The following GMIP variants were observed in gnomAD, a reference collection of about 807,000 sequenced individuals.
The protein encoded by GMIP is GEM interacting protein, also known as GEM-interacting protein.
A neutral mutation model predicts 105.3 loss-of-function variants in GMIP; 54 were observed. The observed-to-expected ratio is 0.51, with a 90% CI of 0.41 to 0.64. GMIP has a LOEUF of 0.64. GMIP is among the 30% of genes least tolerant of loss of function. The probability of loss-of-function intolerance (pLI) is 0.00; values close to 1 mark genes in which losing one functional copy is unlikely to be tolerated. For missense variants in GMIP, 1,110 were observed against 1,319.4 expected (o/e 0.84, Z 2.46); for synonymous variants, 541 against 560.8 (o/e 0.96, Z 0.50).
intron 7 of GMIP, 109 bp from the exon 8 acceptor site, chr19:19,638,591 A>AT (rs776778379): frequency 0.11 from 66,133 of 595,466 alleles, no homozygotes; most frequent in East Asian, 0.14. Flanking sequence ...TCTGGACTCT[A>AT]TTTTTTTTTT....
chr19:19,635,628 C>T lies in GMIP; in HGVS notation c.1405+16G>A, dbSNP rs1443259931. 5 of 1,613,956 alleles carry T rather than the reference C, an allele frequency of 3.1e-6. No homozygotes were observed. The highest frequency in any genetic ancestry group is 1.7e-5 in the Admixed American group (1 of 60,028). ...CCTGCCCTGTCCCATCCTGACCTACCCTGCTTCAGCCTCACCAGGGTCTCG... is the reference window on the plus strand; with the variant it reads ...CCTGCCCTGTCCCATCCTGACCTACTCTGCTTCAGCCTCACCAGGGTCTCG... On this transcript the variant is annotated intron_variant, in intron 14 of 20. Coordinates refer to ENST00000203556, the MANE Select transcript of GMIP (RefSeq NM_016573.4). The surrounding 1 kb of genome is among the most constrained non-coding windows in gnomAD (Gnocchi z 4.7).
rs1227988417 is a variant in GMIP at position 19,639,079 on chromosome 19, C to CA, written c.538-598dup. Among the ~76,000 whole-genome samples the CA allele has an allele frequency of 4.8e-3, 689 of 142,566 alleles. 4 individuals carry two copies. The highest frequency in any genetic ancestry group is 0.014 in the African/African-American group (563 of 38,952). 93.5% of individuals were successfully genotyped at this position (142,566 alleles called of 152,430 possible). A position where few individuals can be genotyped will look rare whatever the true frequency, so the allele number is the denominator to read the frequency against. On this transcript the variant is annotated intron_variant, in intron 7 of 20. Coordinates refer to ENST00000203556, the MANE Select transcript of GMIP (RefSeq NM_016573.4). ...TGGATGATAAAGTGAGACTCTGTCTCAAAAAAAAAAATAAATAAATAAATT... is the reference window on the plus strand; with the variant it reads ...TGGATGATAAAGTGAGACTCTGTCTCAAAAAAAAAAAATAAATAAATAAATT...
Position 19,634,308 on chromosome 19 carries a change from C to T in GMIP, c.2085-118G>A, listed in dbSNP as rs2061827588. On this transcript the variant is annotated intron_variant, in intron 18 of 20. Transcript: ENST00000203556. The surrounding 1 kb of genome is among the most constrained non-coding windows in gnomAD (Gnocchi z 6.1). The stretch of plus-strand genomic sequence containing the variant: ...ACTTGCCCATGTCACAGGTGTAAGT[C>T]GTCTGAGACCAGCAGCCACATATCC... 1.1e-5 allele frequency: 12 copies of T among 1,134,920 alleles called. No homozygotes were observed. In the South Asian group the frequency reaches 1.4e-4, roughly 13 times the overall value. The allele number at this position is 1,134,920 out of a possible 1,614,324, so 70.3% of individuals were successfully genotyped here.
chr19:19,637,110 C>A lies in GMIP; in HGVS notation c.1125-81G>T, dbSNP rs1440408672. 1.1e-6 allele frequency: 1 copy of A among 906,364 alleles called. No homozygotes were observed. The highest frequency in any genetic ancestry group is 1.7e-6 in the Non-Finnish European group (1 of 577,366). 56.1% of individuals were successfully genotyped at this position (906,364 alleles called of 1,614,324 possible). On this transcript the variant is annotated intron_variant, in intron 11 of 20. Transcript: ENST00000203556. This position sits in a 1 kb window ranked among gnomAD's most constrained non-coding sequence, Gnocchi z 6.7. ...GCACCCAGGCATCATGTCTAGGTAC[C>A]AACTCCAAGCACTTGGGTCTGCAAA...
Position 19,634,738 on chromosome 19 carries a change from G to A in GMIP, c.1888-35C>T. On this transcript the variant is annotated intron_variant, in intron 17 of 20. Transcript: ENST00000203556. This position sits in a 1 kb window ranked among gnomAD's most constrained non-coding sequence, Gnocchi z 6.1. Reference sequence around the variant, plus strand: ...GAACGGAGGGCGCAACACGAGTGTGGGTGGGCTGTGGAGGGCTCCTGCCCG... The same window carrying A: ...GAACGGAGGGCGCAACACGAGTGTGAGTGGGCTGTGGAGGGCTCCTGCCCG... 1.2e-6 allele frequency: 2 copies of A among 1,609,356 alleles called. No homozygotes were observed. The highest frequency in any genetic ancestry group is 2.2e-5 in the South Asian group (2 of 90,950).
rs1228224886 is a variant in GMIP at position 19,641,660 on chromosome 19, T to C, written c.238+150A>G. On this transcript the variant is annotated intron_variant, in intron 4 of 20. Coordinates refer to ENST00000203556, the MANE Select transcript of GMIP (RefSeq NM_016573.4). ...CTCAGCCTCCACCCTGCCTGGGGTC[T>C]CCCTGAGGGCTGGGACTGAGATCTG... is the stretch of plus-strand genomic sequence containing the variant. 3 of 705,952 alleles carry C rather than the reference T, an allele frequency of 4.2e-6. No homozygotes were observed. In the Admixed American group the frequency reaches 6.2e-5, roughly 15 times the overall value. 43.7% of individuals were successfully genotyped at this position (705,952 alleles called of 1,614,324 possible). A position where few individuals can be genotyped will look rare whatever the true frequency, so the allele number is the denominator to read the frequency against.
chr19:19,635,387 G>A lies in GMIP; in HGVS notation c.1560+28C>T. 6.2e-7 allele frequency: 1 copy of A among 1,602,944 alleles called. No individual in the cohort carries two copies. Among genetic ancestry groups the A allele is most frequent in the Non-Finnish European group, 8.5e-7 (1 of 1,174,822 alleles). The stretch of plus-strand genomic sequence containing the variant: ...GGGAGATGATCAAGGGTCAGCAAAG[G>A]TCATTTGGTCATTAACCCAGGCCAC... On this transcript the variant is annotated intron_variant, in intron 15 of 20. Coordinates refer to ENST00000203556, the MANE Select transcript of GMIP (RefSeq NM_016573.4). The surrounding 1 kb of genome is among the most constrained non-coding windows in gnomAD (Gnocchi z 4.7).
rs769936046 is a variant in GMIP at position 19,641,840 on chromosome 19, G to C, written c.208C>G (p.Pro70Ala). The change falls in exon 4 of 21, where the codon CCC becomes GCC. Residue 70 changes from proline to alanine, a missense_variant. Coordinates refer to ENST00000203556, the MANE Select transcript of GMIP (RefSeq NM_016573.4). ...AGGGGTACAGGACCCTCTGGGGAGGGGCCGCTCCAACAGCTGGCTTCGTTG... is the reference window on the plus strand; with the variant it reads ...AGGGGTACAGGACCCTCTGGGGAGGCGCCGCTCCAACAGCTGGCTTCGTTG... ...VTNEASCWSGPSPEGPVPLTG... is the reference protein window; with the variant it reads ...VTNEASCWSGASPEGPVPLTG... 2.5e-6 allele frequency: 4 copies of C among 1,612,676 alleles called. No individual in the cohort carries two copies. The highest frequency in any genetic ancestry group is 1.9e-4 in the Middle Eastern group (1 of 5,190).
rs767485187 is a variant in GMIP at position 19,641,797 on chromosome 19, C to T, written c.238+13G>A. ...TGTCTGTCCCCACTGTCCTGGCCTCCAGACCCCCCTACCTGTGAGGGGTAC... is the reference window on the plus strand; with the variant it reads ...TGTCTGTCCCCACTGTCCTGGCCTCTAGACCCCCCTACCTGTGAGGGGTAC... On this transcript the variant is annotated intron_variant, in intron 4 of 20. Coordinates refer to ENST00000203556, the MANE Select transcript of GMIP (RefSeq NM_016573.4). 6.3e-6 allele frequency: 10 copies of T among 1,599,922 alleles called. No homozygotes were observed. The Admixed American group carries it at 1.5e-4, about 24-fold the overall frequency.
intron 4 of GMIP, 102 bp from the exon 5 acceptor site, chr19:19,640,673 A>C: frequency 6.2e-5 from 71 of 1,147,042 alleles, no homozygotes; most frequent in Non-Finnish European, 8.2e-5. Flanking sequence ...CTACAGCCTC[A>C]CAGCTCCCCA....
Position 19,643,633 on chromosome 19 carries a change from T to TCGGTTCCGCGTCGCCC in GMIP, c.-120_-105dup. 1.9e-6 allele frequency: 2 copies of TCGGTTCCGCGTCGCCC among 1,033,018 alleles called. No individual in the cohort carries two copies. Among genetic ancestry groups the TCGGTTCCGCGTCGCCC allele is most frequent in the East Asian group, 2.9e-5 (1 of 34,246 alleles). The allele number at this position is 1,033,018 out of a possible 1,614,324, so 64.0% of individuals were successfully genotyped here. On this transcript the variant is annotated 5_prime_UTR_variant, in exon 1 of 21. Coordinates refer to ENST00000203556, the MANE Select transcript of GMIP (RefSeq NM_016573.4). Reference sequence around the variant, plus strand: ...TGCCGCCGCAGCCGCCGCCGCCGCCTCGGTTCCGCGTCGCCCTGCCCAGCG... The same window carrying TCGGTTCCGCGTCGCCC: ...TGCCGCCGCAGCCGCCGCCGCCGCCTCGGTTCCGCGTCGCCCCGGTTCCGCGTCGCCCTGCCCAGCG...
chr19:19,637,523 T>C lies in GMIP; in HGVS notation c.966A>G (p.Ala322=), dbSNP rs2144858071. The C allele has an allele frequency of 2.0e-6, 3 of 1,536,540 alleles. No homozygotes were observed. The highest frequency in any genetic ancestry group is 2.5e-5 in the East Asian group (1 of 40,270). The change falls in exon 11 of 21, where the codon GCA becomes GCG. Residue 322 remains alanine, a synonymous_variant. Transcript: ENST00000203556. The surrounding 1 kb of genome is among the most constrained non-coding windows in gnomAD (Gnocchi z 6.7). ...LSLFGLRGAQ[A]ERGPRAFAAL... Reference sequence around the variant, plus strand: ...CGGCGAAGGCGCGGGGGCCACGCTCTGCCTGCGCCCCCCGCAGCCCGAAGA... The same window carrying C: ...CGGCGAAGGCGCGGGGGCCACGCTCCGCCTGCGCCCCCCGCAGCCCGAAGA...
intron 4 of GMIP, among the ~76,000 whole-genome samples, chr19:19,641,121 C>T (rs1386337474): frequency 6.6e-6 from 1 of 151,758 alleles, no homozygotes; most frequent in Non-Finnish European, 1.5e-5. Flanking sequence ...CGCTCTGTCG[C>T]TCAGGCTGGA....
At position 19,637,286 on chromosome 19, in the gene GMIP, G is replaced by A; in HGVS notation, c.1124+79C>T. On this transcript the variant is annotated intron_variant, in intron 11 of 20. Coordinates refer to ENST00000203556, the MANE Select transcript of GMIP (RefSeq NM_016573.4). The surrounding 1 kb of genome is among the most constrained non-coding windows in gnomAD (Gnocchi z 6.7). ...CTAAGGCTTTGCGTTCTCTAACCTC[G>A]AGTAACCAGCCTGCGGTGCCAACAG... 9.7e-7 allele frequency: 1 copy of A among 1,033,312 alleles called. No homozygotes were observed. Among genetic ancestry groups the A allele is most frequent in the Non-Finnish European group, 1.4e-6 (1 of 708,552 alleles). The allele number at this position is 1,033,312 out of a possible 1,614,324, so 64.0% of individuals were successfully genotyped here. A position where few individuals can be genotyped will look rare whatever the true frequency, so the allele number is the denominator to read the frequency against.
chr19:19,642,668 C>T (rs771471391), intron 1 of GMIP, 49 bp from the exon 2 acceptor site: 2 of 883,834 alleles, frequency 2.3e-6, no homozygotes, highest in South Asian at 3.0e-5. Flanking sequence ...CTCCCTCCAC[C>T]CACGGCACCT....
chr19:19,636,852 G>T, intron 12 of GMIP, 56 bp from the exon 13 acceptor site: 2 of 1,550,612 alleles, frequency 1.3e-6, no homozygotes, highest in Non-Finnish European at 1.8e-6. Context: ...CACTCCTGCA[G>T]CCCACCTATG....
chr19:19,641,932 C>G, intron 3 of GMIP, 44 bp downstream of exon 3: 1 of 1,595,578 alleles, frequency 6.3e-7, no homozygotes, highest in Non-Finnish European at 8.6e-7. Context: ...CTAAGGCCCC[C>G]TCTGCTTGAG....
intron 13 of GMIP, among the ~76,000 whole-genome samples, chr19:19,636,222 GAAAGA>G (rs1329757301): frequency 8.6e-4 from 122 of 142,676 alleles, no homozygotes; most frequent in African/African-American, 3.0e-3. Context: ...AAAAAAGAAA[GAAAGA>G]AAAGAAAAGA....
At chr19:19,641,915 G>A (rs377146290) in intron 3 of GMIP, 48 bp from the exon 4 acceptor site, 169 of 1,599,400 alleles carry the variant, frequency 1.1e-4, no homozygotes, top group Non-Finnish European at 1.4e-4. Flanking sequence ...GCAGGGGCCT[G>A]GCCTTCCTAA....
Sources: gnomAD v4.1 joint callset for allele counts (sites outside exome capture counted in the v4.1 genomes callset) on GRCh38, gnomAD v4.1.1 for gene constraint, Gnocchi (gnomAD v3.1) non-coding constraint, MANE v1.5 for transcripts, NCBI Gene and HGNC (gene_info 2026-07-23, HGNC 2026-07-21) for gene names.